Variants in SLC16A7 observed in about 807,000 individuals in gnomAD.
The protein encoded by SLC16A7 is monocarboxylate transporter 2.
Under a neutral mutation model 34.9 loss-of-function variants are expected in SLC16A7, and 33 were observed. The observed-to-expected ratio is 0.94, with a 90% CI of 0.72 to 1.26. The LOEUF (loss-of-function observed/expected upper bound fraction) is 1.26. Among genes scored for constraint, SLC16A7 ranks in the 50% most tolerant of loss-of-function variants. SLC16A7 has a pLI of 0.00. For missense variants in SLC16A7, 573 were observed against 578.1 expected (o/e 0.99, Z 0.09); for synonymous variants, 201 against 206.6 (o/e 0.97, Z 0.23).
At chr12:59,687,574 C>G (rs1389582522) in intron 2 of SLC16A7, among the ~76,000 whole-genome samples, 1 of 152,104 alleles carries the variant, frequency 6.6e-6, no homozygotes. Context: ...TTTATGCACC[C>G]TAGCTCAGAT....
At chr12:59,635,900 A>G (rs929777325) in intron 1 of SLC16A7, among the ~76,000 whole-genome samples, 1 of 151,960 alleles carries the variant, frequency 6.6e-6, no homozygotes, top group African/African-American at 2.4e-5. Flanking sequence ...AGTAGTATTC[A>G]GAAAGATTCA....
intron 1 of SLC16A7, among the ~76,000 whole-genome samples, chr12:59,608,795 C>T (rs975665007): frequency 6.6e-6 from 1 of 152,130 alleles, no homozygotes; most frequent in African/African-American, 2.4e-5. Flanking sequence ...TACTCTACCT[C>T]ATTAAGATAC....
chr12:59,751,408 C>T (rs1039278847), intron 3 of SLC16A7, among the ~76,000 whole-genome samples: 9 of 152,210 alleles, frequency 5.9e-5, no homozygotes, highest in Non-Finnish European at 7.3e-5. Flanking sequence ...CCCAATACTG[C>T]GCTTTTCCGA....
chr12:59,720,092 G>T, intron 3 of SLC16A7: 1 of 700,294 alleles, frequency 1.4e-6, no homozygotes. Flanking sequence ...GGTATCATAT[G>T]CAATAGCTGT....
intron 2 of SLC16A7, among the ~76,000 whole-genome samples, chr12:59,676,037 G>A (rs1473653186): frequency 1.3e-5 from 2 of 151,984 alleles, no homozygotes; most frequent in Non-Finnish European, 2.9e-5. Context: ...AAATTGTCAA[G>A]AAATTTATGA....
At chr12:59,611,231 T>C (rs1208895088) in intron 1 of SLC16A7, among the ~76,000 whole-genome samples, 1 of 152,212 alleles carries the variant, frequency 6.6e-6, no homozygotes, top group African/African-American at 2.4e-5. Flanking sequence ...TCTGCATGGC[T>C]GGAGAGGACT....
At chr12:59,721,245 C>A (rs1208556551) in intron 3 of SLC16A7, among the ~76,000 whole-genome samples, 1 of 151,984 alleles carries the variant, frequency 6.6e-6, no homozygotes, top group African/African-American at 2.4e-5. Flanking sequence ...TCAATTCCTA[C>A]TTCATTCAGA....
At chr12:59,683,567 G>C (rs974014902) in intron 2 of SLC16A7, among the ~76,000 whole-genome samples, 99 of 152,284 alleles carry the variant, frequency 6.5e-4, no homozygotes, top group African/African-American at 2.4e-3. Flanking sequence ...TTCAGATTAG[G>C]AACTGTTCCT....
intron 2 of SLC16A7, among the ~76,000 whole-genome samples, chr12:59,676,152 C>T (rs537492652): frequency 6.6e-6 from 1 of 152,210 alleles, no homozygotes; most frequent in South Asian, 2.1e-4. Flanking sequence ...AAGTTGACAG[C>T]AGAGTCATTG....
chr12:59,669,249 ATTCAT>A (rs1292363868), intron 2 of SLC16A7, among the ~76,000 whole-genome samples: 1 of 152,220 alleles, frequency 6.6e-6, no homozygotes, highest in Non-Finnish European at 1.5e-5. Flanking sequence ...TGTGAATCAT[ATTCAT>A]TTCAAGGTTG....
intron 1 of SLC16A7, among the ~76,000 whole-genome samples, chr12:59,629,674 T>C (rs1215780265): frequency 1.3e-5 from 2 of 151,996 alleles, no homozygotes; most frequent in African/African-American, 4.8e-5. Flanking sequence ...CCTTCAGATT[T>C]TATTGTCATT....
intron 2 of SLC16A7, among the ~76,000 whole-genome samples, chr12:59,675,628 A>G (rs1243756869): frequency 6.6e-6 from 1 of 152,228 alleles, no homozygotes; most frequent in East Asian, 1.9e-4. Flanking sequence ...AGGAAGATAC[A>G]GAGAGGGGAA....
chr12:59,679,221 C>A (rs187709916), intron 2 of SLC16A7, among the ~76,000 whole-genome samples: 2 of 152,300 alleles, frequency 1.3e-5, no homozygotes, highest in East Asian at 3.9e-4. Flanking sequence ...GCCGGGTCCC[C>A]AGCCATGGCT....
intron 1 of SLC16A7, among the ~76,000 whole-genome samples, chr12:59,624,738 TTGTGTGTGTG>T (rs34708782): frequency 1.1e-4 from 16 of 145,370 alleles, no homozygotes; most frequent in South Asian, 6.6e-4. Context: ...GCATTGTTAG[TTGTGTGTGTG>T]TGTGTGTGTG....
At chr12:59,620,784 A>G (rs1041201483) in intron 1 of SLC16A7, among the ~76,000 whole-genome samples, 2 of 151,940 alleles carry the variant, frequency 1.3e-5, no homozygotes, top group African/African-American at 4.8e-5. Flanking sequence ...ATATGGGAGT[A>G]TTAATCAGAA....
intron 2 of SLC16A7, among the ~76,000 whole-genome samples, chr12:59,665,667 A>C (rs1290108662): frequency 6.6e-6 from 1 of 152,084 alleles, no homozygotes; most frequent in Non-Finnish European, 1.5e-5. Context: ...TTACAGAGTA[A>C]TCATTTTTCA....
At position 59,701,019 on chromosome 12, in the gene SLC16A7, T is replaced by C. The variant is rs1872813410; in HGVS notation, c.-30-3753T>C. Among the ~76,000 whole-genome samples the C allele has an allele frequency of 2.6e-5, 4 of 151,932 alleles. 1 individual carries two copies. Among genetic ancestry groups the C allele is most frequent in the African/African-American group, 9.6e-5 (4 of 41,562 alleles). On this transcript the variant is annotated intron_variant, in intron 2 of 5. Coordinates refer to ENST00000547379, the MANE Select transcript of SLC16A7 (RefSeq NM_001270623.2). ...GTCATGCAAAGTTCACTTTAAGATT[T>C]GGCTTTTAAAAGTTATAGCTTCTAC...
intron 3 of SLC16A7, among the ~76,000 whole-genome samples, chr12:59,718,100 T>A (rs1450252298): frequency 6.6e-6 from 1 of 152,192 alleles, no homozygotes; most frequent in African/African-American, 2.4e-5. Flanking sequence ...ATAAATTTAA[T>A]AAGGTCAAAA....
Position 59,633,224 on chromosome 12 carries a change from G to A in SLC16A7, c.-129-21928G>A, listed in dbSNP as rs138427771. ...GTACTATTTGTATTTGCTAATATCA[G>A]TTCTACCCAACCCTACTCTATTCTA... On this transcript the variant is annotated intron_variant, in intron 1 of 5. Transcript: ENST00000547379. Among the ~76,000 whole-genome samples, 746 of 152,002 alleles carry A rather than the reference G, an allele frequency of 4.9e-3. 11 individuals carry two copies. Among genetic ancestry groups the A allele is most frequent in the African/African-American group, 0.018 (733 of 41,484 alleles).
Sources: gnomAD v4.1 joint callset for allele counts (sites outside exome capture counted in the v4.1 genomes callset) on GRCh38, gnomAD v4.1.1 for gene constraint, MANE v1.5 for transcripts, NCBI Gene and HGNC (gene_info 2026-07-23, HGNC 2026-07-21) for gene names.